The following ARHGEF10L variants were observed in gnomAD, a reference collection of about 807,000 sequenced individuals.
ARHGEF10L encodes Rho guanine nucleotide exchange factor 10 like, also known as rho guanine nucleotide exchange factor 10-like protein.
Under a neutral mutation model 141.2 loss-of-function variants are expected in ARHGEF10L, and 69 were observed. The observed-to-expected ratio is 0.49, with a 90% confidence interval of 0.40 to 0.60. ARHGEF10L has a LOEUF of 0.60. Ranked by LOEUF, ARHGEF10L falls within the 20% of genes least tolerant of loss-of-function variation. ARHGEF10L has a pLI of 0.00. For synonymous variants in ARHGEF10L, 711 were observed against 718.5 expected (o/e 0.99, Z 0.17); for missense variants, 1,482 against 1,734.3 (o/e 0.85, Z 2.58).
At chr1:17,616,251 G>T in intron 9 of ARHGEF10L, 49 bp downstream of exon 9, 1 of 1,413,462 alleles carries the variant, frequency 7.1e-7, no homozygotes, top group Non-Finnish European at 9.9e-7. Context: ...TCTGACTGGG[G>T]GTCGGGGAGG....
At chr1:17,556,265 ATGG>A (rs2077314839) in intron 1 of ARHGEF10L, among the ~76,000 whole-genome samples, 3 of 17,220 alleles carry the variant, frequency 1.7e-4, no homozygotes, top group Non-Finnish European at 1.9e-4. Flanking sequence ...GCCTGGGAGC[ATGG>A]CGGCGGGGGG....
Position 17,625,840 on chromosome 1 carries a change from A to C in ARHGEF10L, c.1318-116A>C, listed in dbSNP as rs1242088903. 2.4e-6 allele frequency: 2 copies of C among 819,516 alleles called. No individual in the cohort carries two copies. The highest frequency in any genetic ancestry group is 2.2e-5 in the Admixed American group (1 of 45,680). 50.8% of individuals were successfully genotyped at this position (819,516 alleles called of 1,614,324 possible). A position where few individuals can be genotyped will look rare whatever the true frequency, so the allele number is the denominator to read the frequency against. ...CAGCTCTTCTTGCAAGCCCAGGGAT[A>C]GGCAGGGTCTTAGGGCCTGGGGAGA... On this transcript the variant is annotated intron_variant, in intron 13 of 28. Coordinates refer to ENST00000361221, the MANE Select transcript of ARHGEF10L (RefSeq NM_018125.4). The surrounding 1 kb of genome is among the most constrained non-coding windows in gnomAD (Gnocchi z 4.5).
At chr1:17,516,719 C>T in the ARHGEF10L span, among the ~76,000 whole-genome samples, 13 of 152,198 alleles carry the variant, frequency 8.5e-5, no homozygotes, top group Admixed American at 6.5e-4. Flanking sequence ...GAGGGGGCAG[C>T]ATCATCCCCT....
chr1:17,592,859 C>G (rs982914326), intron 4 of ARHGEF10L, among the ~76,000 whole-genome samples: 1 of 152,196 alleles, frequency 6.6e-6, no homozygotes, highest in Non-Finnish European at 1.5e-5. Context: ...GATACCGGCT[C>G]TCCGCCCATG....
chr1:17,660,287 T>C (rs1399928403), intron 25 of ARHGEF10L, among the ~76,000 whole-genome samples: 1 of 152,168 alleles, frequency 6.6e-6, no homozygotes, highest in Non-Finnish European at 1.5e-5. Flanking sequence ...GATGGCATAA[T>C]GGGTAAGGGA....
At chr1:17,515,501 T>C in the ARHGEF10L span, among the ~76,000 whole-genome samples, 4 of 151,452 alleles carry the variant, frequency 2.6e-5, no homozygotes, top group East Asian at 7.9e-4. Flanking sequence ...GGTTTCACCA[T>C]GTTGGCCAGG....
chr1:17,685,102 T>A (rs1303876373), intron 26 of ARHGEF10L, among the ~76,000 whole-genome samples: 1 of 152,160 alleles, frequency 6.6e-6, no homozygotes, highest in African/African-American at 2.4e-5. Context: ...GGGGCCATCC[T>A]CCAGGGCAAA....
At chr1:17,561,834 T>C (rs1478917721) in intron 1 of ARHGEF10L, among the ~76,000 whole-genome samples, 1 of 152,196 alleles carries the variant, frequency 6.6e-6, no homozygotes, top group East Asian at 1.9e-4. Context: ...TGGCAGTGCC[T>C]TTTGCCCTGG....
chr1:17,560,185 G>C (rs1159726109), intron 1 of ARHGEF10L, among the ~76,000 whole-genome samples: 1 of 152,092 alleles, frequency 6.6e-6, no homozygotes, highest in African/African-American at 2.4e-5. Flanking sequence ...TCGCACCACT[G>C]TCCGGGGGCA....
intron 11 of ARHGEF10L, 33 bp from the exon 12 acceptor site, chr1:17,622,963 T>C: frequency 6.3e-7 from 1 of 1,592,914 alleles, no homozygotes; most frequent in East Asian, 2.2e-5. Context: ...GGCTGCGGCC[T>C]GGCCTGCGGC....
intron 25 of ARHGEF10L, among the ~76,000 whole-genome samples, chr1:17,659,814 A>G (rs1280421853): frequency 1.3e-5 from 2 of 152,220 alleles, no homozygotes; most frequent in Non-Finnish European, 2.9e-5. Context: ...TTGGAGAAGG[A>G]CAGGACCAGA....
intron 7 of ARHGEF10L, among the ~76,000 whole-genome samples, chr1:17,610,261 G>A (rs2059477039): frequency 6.6e-6 from 1 of 152,150 alleles, no homozygotes; most frequent in African/African-American, 2.4e-5. Context: ...GCAGCTCTCT[G>A]CCCCCAGGGG....
chr1:17,691,405 G>A (rs1037523809), intron 27 of ARHGEF10L, among the ~76,000 whole-genome samples: 5 of 152,042 alleles, frequency 3.3e-5, no homozygotes, highest in East Asian at 3.9e-4. Flanking sequence ...CCCATTTGTC[G>A]GTTTTGCCGT....
At chr1:17,589,900 G>A (rs1038170192) in intron 4 of ARHGEF10L, among the ~76,000 whole-genome samples, 2 of 152,032 alleles carry the variant, frequency 1.3e-5, no homozygotes, top group Non-Finnish European at 2.9e-5. Flanking sequence ...GGATGGGGTC[G>A]TCAGGGAAGA....
chr1:17,580,527 T>G, intron 1 of ARHGEF10L, 26 bp from the exon 2 acceptor site: 10 of 1,601,794 alleles, frequency 6.2e-6, no homozygotes, highest in Non-Finnish European at 8.6e-6. Flanking sequence ...CTCCAGCTAA[T>G]GCGATTTCTG....
intron 2 of ARHGEF10L, among the ~76,000 whole-genome samples, chr1:17,583,509 C>T (rs2078768097): frequency 6.6e-6 from 1 of 152,172 alleles, no homozygotes; most frequent in Non-Finnish European, 1.5e-5. Flanking sequence ...CATTCATTCC[C>T]TCCTCCCAAC....
rs533400236 is a variant in ARHGEF10L, at chr1:17,539,872, G to A, written c.-122G>A. 6.7e-6 allele frequency: 1 copy of A among 149,482 alleles called. No individual in the cohort carries two copies. The highest frequency in any genetic ancestry group is 2.0e-4 in the South Asian group (1 of 5,030). The allele number at this position is 149,482 out of a possible 1,614,324, so 9.3% of individuals were successfully genotyped here. A position where few individuals can be genotyped will look rare whatever the true frequency, so the allele number is the denominator to read the frequency against. ...CCATGGGCGCCCGCGGCGGCCTGCGGAGCTGGAGGCGCGGCGCCGGCCGCC... is the reference window on the plus strand; with the variant it reads ...CCATGGGCGCCCGCGGCGGCCTGCGAAGCTGGAGGCGCGGCGCCGGCCGCC... On this transcript the variant is annotated 5_prime_UTR_variant, in exon 1 of 29. Coordinates refer to ENST00000361221, the MANE Select transcript of ARHGEF10L (RefSeq NM_018125.4). This position sits in a 1 kb window ranked among gnomAD's most constrained non-coding sequence, Gnocchi z 6.0.
At chr1:17,596,197 C>T (rs1055807301) in intron 4 of ARHGEF10L, among the ~76,000 whole-genome samples, 4 of 152,212 alleles carry the variant, frequency 2.6e-5, no homozygotes, top group Non-Finnish European at 4.4e-5. Flanking sequence ...TCTAGTGGGC[C>T]GCCAAGCCAG....
chr1:17,604,491 T>C (rs1012177573), intron 6 of ARHGEF10L: 1 of 152,202 alleles, frequency 6.6e-6, no homozygotes, highest in East Asian at 1.9e-4. Context: ...CTCCGTCCAA[T>C]GGGGAAGCAC....
Sources: gnomAD v4.1 joint callset for allele counts (sites outside exome capture counted in the v4.1 genomes callset) on GRCh38, gnomAD v4.1.1 for gene constraint, Gnocchi (gnomAD v3.1) non-coding constraint, MANE v1.5 for transcripts, NCBI Gene and HGNC (gene_info 2026-07-23, HGNC 2026-07-21) for gene names.